KLC2: variants seen among roughly 807,000 people sequenced by gnomAD.
The protein encoded by KLC2 is KLC 2.
In KLC2, 35 loss-of-function variants were observed where a neutral mutation model predicts 75.1. The ratio of observed to expected loss-of-function variants is 0.47; its 90% CI spans 0.36 to 0.62. The LOEUF (loss-of-function observed/expected upper bound fraction) is 0.62, where lower values mean the gene tolerates loss of function less well. Among genes scored for constraint, KLC2 ranks in the 20% least tolerant of loss-of-function variants. The pLI, the probability that KLC2 is intolerant of heterozygous loss-of-function variation, is 0.00. For missense variants in KLC2, 611 were observed against 833.2 expected (o/e 0.73, Z 3.28); for synonymous variants, 314 against 336.7 (o/e 0.93, Z 0.74).
chr11:66,249,299 A>G, the KLC2 span, among the ~76,000 whole-genome samples: 1 of 152,196 alleles, frequency 6.6e-6, no homozygotes, highest in African/African-American at 2.4e-5. Flanking sequence ...TGGGCTCCTC[A>G]CTGTAAAGTC....
At chr11:66,253,730 C>T (rs919870359), upstream of KLC2, among the ~76,000 whole-genome samples, 75 of 152,146 alleles carry the variant, frequency 4.9e-4, no homozygotes, top group Non-Finnish European at 6.2e-4. Flanking sequence ...CTGAAAGGGC[C>T]GAACACATGC....
In KLC2 at chr11:66,265,955, C is replaced by T. The variant is rs776407656; in HGVS notation, c.1545C>T (p.Ala515=). Residue 515 remains alanine, a synonymous_variant, in exon 13 of 16, where the codon GCC becomes GCT. Transcript: ENST00000394067. ...RRSSRDMAGG[A]GPRSESDLED... is the part of the protein sequence containing the mutation. ...GCAGCCGAGACATGGCTGGGGGTGC[C>T]GGGCCTCGGTCTGAGTCTGACCTCG... The T allele has an allele frequency of 7.5e-6, 12 of 1,601,324 alleles. No individual in the cohort carries two copies. Among genetic ancestry groups the T allele is most frequent in the Non-Finnish European group, 8.5e-6 (10 of 1,171,408 alleles).
the KLC2 span, among the ~76,000 whole-genome samples, chr11:66,250,401 A>T: frequency 6.6e-6 from 1 of 152,158 alleles, no homozygotes; most frequent in African/African-American, 2.4e-5. Context: ...TCGGCTGAGA[A>T]GAGGTCAGGT....
intron 14 of KLC2, 65 bp downstream of exon 14, chr11:66,266,282 G>A: frequency 6.5e-7 from 1 of 1,548,616 alleles, no homozygotes. Flanking sequence ...TCCTGACCCA[G>A]AGTGTGCCCC....
upstream of KLC2, among the ~76,000 whole-genome samples, chr11:66,252,422 C>T (rs1855971300): frequency 7.3e-6 from 1 of 137,564 alleles, no homozygotes; most frequent in Non-Finnish European, 1.7e-5. Flanking sequence ...AGCCACCATG[C>T]CCGGCTAATT....
intron 5 of KLC2, 21 bp downstream of exon 5, chr11:66,263,057 C>G: frequency 6.4e-7 from 1 of 1,574,512 alleles, no homozygotes; most frequent in Non-Finnish European, 8.7e-7. Context: ...TCTGGGGGTG[C>G]CCAAATTCTT....
upstream of KLC2, among the ~76,000 whole-genome samples, chr11:66,254,707 G>T (rs2134778084): frequency 6.6e-6 from 1 of 150,774 alleles, no homozygotes; most frequent in South Asian, 2.1e-4. Context: ...AGGCCAAGGT[G>T]GGCGGATCAT....
upstream of KLC2, among the ~76,000 whole-genome samples, chr11:66,252,341 A>G (rs1023335445): frequency 6.6e-6 from 1 of 152,134 alleles, no homozygotes; most frequent in African/African-American, 2.4e-5. Context: ...GCTGGAGTGC[A>G]GTGGCGCGAT....
chr11:66,251,020 A>G, the KLC2 span, among the ~76,000 whole-genome samples: 1 of 152,234 alleles, frequency 6.6e-6, no homozygotes, highest in African/African-American at 2.4e-5. Context: ...TCCTTAATAC[A>G]ACACACCGGG....
At chr11:66,248,634 TC>T in the KLC2 span, among the ~76,000 whole-genome samples, 1 of 152,014 alleles carries the variant, frequency 6.6e-6, no homozygotes, top group Non-Finnish European at 1.5e-5. Flanking sequence ...TAAATAAATG[TC>T]CCTATTTTAT....
At chr11:66,265,610 C>T (rs1856767198) in intron 11 of KLC2, 45 bp from the exon 12 acceptor site, 8 of 1,518,818 alleles carry the variant, frequency 5.3e-6, no homozygotes, top group Non-Finnish European at 7.2e-6. Flanking sequence ...CAGGATGGGC[C>T]CTGGGTCTGG....
intron 9 of KLC2, 189 bp from the exon 10 acceptor site, chr11:66,264,834 T>C (rs1283935445): frequency 2.3e-5 from 14 of 604,892 alleles, no homozygotes; most frequent in Non-Finnish European, 3.8e-5. Context: ...GGCTGTGGCC[T>C]GAGGTGCAAG....
the KLC2 span, among the ~76,000 whole-genome samples, chr11:66,247,957 T>A: frequency 6.6e-6 from 1 of 152,138 alleles, no homozygotes; most frequent in Admixed American, 6.5e-5. Flanking sequence ...GGAAATCAGC[T>A]GTGTAGGGAC....
At position 66,267,103 on chromosome 11, in the gene KLC2, C is replaced by A. The variant is rs1856888907; in HGVS notation, c.*147C>A. The A allele has an allele frequency of 5.9e-6, 9 of 1,531,118 alleles. No individual in the cohort carries two copies. Among genetic ancestry groups the A allele is most frequent in the Admixed American group, 4.0e-5 (2 of 49,886 alleles). 94.8% of individuals were successfully genotyped at this position (1,531,118 alleles called of 1,614,324 possible). On this transcript the variant is annotated 3_prime_UTR_variant, in exon 16 of 16. Transcript: ENST00000394067. ...ATCTCAGGGTAACCTTCTCCCTTGT[C>A]ATCTCAGCCTGAGCCCTGGAGGCTG...
rs751080782 is a variant in KLC2, at chr11:66,266,507, G to A, written c.1785+17G>A. The A allele has an allele frequency of 1.9e-6, 3 of 1,613,548 alleles. No individual in the cohort carries two copies. Among genetic ancestry groups the A allele is most frequent in the Non-Finnish European group, 8.5e-7 (1 of 1,179,538 alleles). On this transcript the variant is annotated intron_variant, in intron 15 of 15. Transcript: ENST00000394067. Reference sequence around the variant, plus strand: ...CCGACCCAGGTAGGGGCAGGCGGGTGTCTGGGCACTGGGCAGCTGCGGCCG... The same window carrying A: ...CCGACCCAGGTAGGGGCAGGCGGGTATCTGGGCACTGGGCAGCTGCGGCCG...
chr11:66,265,276 G>A, intron 11 of KLC2, 41 bp downstream of exon 11: 1 of 1,559,598 alleles, frequency 6.4e-7, no homozygotes, highest in South Asian at 1.1e-5. Flanking sequence ...GGGCACGGCA[G>A]GGCGGGCTCC....
chr11:66,250,516 G>A, the KLC2 span, among the ~76,000 whole-genome samples: 4 of 152,046 alleles, frequency 2.6e-5, no homozygotes, highest in Non-Finnish European at 2.9e-5. Flanking sequence ...CTACTAGTTC[G>A]TGTCCTAGGT....
At chr11:66,266,754 C>A in intron 15 of KLC2, 119 bp from the exon 16 acceptor site, 1 of 1,068,902 alleles carries the variant, frequency 9.4e-7, no homozygotes, top group Non-Finnish European at 1.4e-6. Context: ...TCAGAACTGC[C>A]ATTGCCTCTG....
rs1294946284 is a variant in KLC2 at position 66,263,725 on chromosome 11, C to T, written c.818C>T (p.Thr273Ile). ...GATGCTCTGGCCATCCGGGAGAAAA[C>T]ACTGGGCAAGGACCACCCAGCCGTG... ...LNDALAIREK[T>I]LGKDHPAVAA... The change falls in exon 6 of 16, where the codon ACA becomes ATA. Residue 273 changes from threonine to isoleucine, a missense_variant. Thr to Ile is a moderately conservative substitution (Grantham distance 89, BLOSUM62 -1). Coordinates refer to ENST00000394067, the MANE Select transcript of KLC2 (RefSeq NM_001318734.2). 1.9e-6 allele frequency: 3 copies of T among 1,613,980 alleles called. No individual in the cohort carries two copies. The highest frequency in any genetic ancestry group is 2.5e-6 in the Non-Finnish European group (3 of 1,179,862).
Sources: gnomAD v4.1 joint callset for allele counts (sites outside exome capture counted in the v4.1 genomes callset) on GRCh38, gnomAD v4.1.1 for gene constraint, MANE v1.5 for transcripts, NCBI Gene and HGNC (gene_info 2026-07-23, HGNC 2026-07-21) for gene names.